Variants in QARS1 observed in about 807,000 individuals in gnomAD.
QARS1 encodes glutamine--tRNA ligase.
Under a neutral mutation model 106.9 loss-of-function variants are expected in QARS1, and 79 were observed. The ratio of observed to expected loss-of-function variants is 0.74; its 90% CI spans 0.62 to 0.89. The LOEUF (loss-of-function observed/expected upper bound fraction) is 0.89, where lower values mean the gene tolerates loss of function less well. Among genes scored for constraint, QARS1 ranks in the 40% least tolerant of loss-of-function variants. The pLI, the probability that QARS1 is intolerant of heterozygous loss-of-function variation, is 0.00. For missense variants in QARS1, 966 were observed against 997.2 expected (o/e 0.97, Z 0.42); for synonymous variants, 395 against 367.7 (o/e 1.07, Z -0.85).
At position 49,100,010 on chromosome 3, in the gene QARS1, C is replaced by A; in HGVS notation, c.1246G>T (p.Val416Leu). The change falls in exon 14 of 24, where the codon GTA becomes TTA. Residue 416 changes from valine (V) to leucine (L), a missense_variant. Coordinates refer to ENST00000306125, the MANE Select transcript of QARS1 (RefSeq NM_005051.3). Reference protein sequence around the residue: ...LVMEDGKMDPVAYRVKYTPHH... With the variant: ...LVMEDGKMDPLAYRVKYTPHH... ...GGTGTATACTTGACTCGATAGGCTA[C>A]AGGGTCCATCTTGCCATCCTCCATC... 1 of 1,614,230 alleles carries A rather than the reference C, an allele frequency of 6.2e-7. No individual in the cohort carries two copies. Among genetic ancestry groups the A allele is most frequent in the Non-Finnish European group, 8.5e-7 (1 of 1,180,048 alleles).
At position 49,096,091 on chromosome 3, in the gene QARS1, A is replaced by T. The variant is rs1470171948; in HGVS notation, c.2278-12T>A. 1.2e-6 allele frequency: 2 copies of T among 1,613,312 alleles called. No homozygotes were observed. Among genetic ancestry groups the T allele is most frequent in the African/African-American group, 2.7e-5 (2 of 74,892 alleles). On this transcript the variant is annotated splice_polypyrimidine_tract_variant and intron_variant, in intron 23 of 23. Transcript: ENST00000306125. ...CGGTTAAAGACAAGCTGGAGGGCAG[A>T]GGGAAAAGGATGACCACCAACCCAG...
In QARS1 at chr3:49,104,124, C is replaced by T. The variant is rs2042507354; in HGVS notation, c.266-152G>A. On this transcript the variant is annotated intron_variant, in intron 2 of 23. Transcript: ENST00000306125. ...CTAGAGAACACAGGGAAGAAAGAAGCACGTGTCGAGAGTGGATCCCCCCTC... is the reference window on the plus strand; with the variant it reads ...CTAGAGAACACAGGGAAGAAAGAAGTACGTGTCGAGAGTGGATCCCCCCTC... 7 of 1,123,614 alleles carry T rather than the reference C, an allele frequency of 6.2e-6. No individual in the cohort carries two copies. The East Asian group carries it at 1.7e-4, about 27-fold the overall frequency. The allele number at this position is 1,123,614 out of a possible 1,614,324, so 69.6% of individuals were successfully genotyped here. A position where few individuals can be genotyped will look rare whatever the true frequency, so the allele number is the denominator to read the frequency against.
At chr3:49,101,798 C>T in intron 8 of QARS1, 30 bp downstream of exon 8, 1 of 1,608,728 alleles carries the variant, frequency 6.2e-7, no homozygotes, top group Non-Finnish European at 8.5e-7. Context: ...AAGATCCAGC[C>T]CTCCCCAGGG....
At chr3:49,098,832 G>T (rs1489328809) in intron 19 of QARS1, 53 bp downstream of exon 19, 2 of 1,533,442 alleles carry the variant, frequency 1.3e-6, no homozygotes, top group African/African-American at 1.4e-5. Flanking sequence ...GAGATGAAAG[G>T]TTCCCAGTAC....
At position 49,100,222 on chromosome 3, in the gene QARS1, G is replaced by A. The variant is rs185476065; in HGVS notation, c.1132C>T (p.Arg378Cys). 83 of 1,614,182 alleles carry A rather than the reference G, an allele frequency of 5.1e-5. No homozygotes were observed. Among genetic ancestry groups the A allele is most frequent in the East Asian group, 4.0e-4 (18 of 44,886 alleles). ...AGCAGCAGTGACTCCTCCATGGGACGGTCTCTCCAGGGTGAAGGCAGAGTA... is the reference window on the plus strand; with the variant it reads ...AGCAGCAGTGACTCCTCCATGGGACAGTCTCTCCAGGGTGAAGGCAGAGTA... Reference protein sequence around the residue: ...HNTLPSPWRDRPMEESLLLFE... With the variant: ...HNTLPSPWRDCPMEESLLLFE... Residue 378 changes from arginine to cysteine, a missense_variant, in exon 13 of 24, where the codon CGT becomes TGT. By Grantham distance (180) the Arg-to-Cys change is radical (BLOSUM62 -3). Transcript: ENST00000306125.
intron 5 of QARS1, chr3:49,102,711 C>T (rs1320985508): frequency 2.0e-5 from 12 of 596,912 alleles, no homozygotes; most frequent in Middle Eastern, 2.6e-4. Flanking sequence ...GCACAGTCTC[C>T]GCTCACTGCA....
chr3:49,103,740 C>T, intron 3 of QARS1, 34 bp from the exon 4 acceptor site: 1 of 1,610,022 alleles, frequency 6.2e-7, no homozygotes, highest in Non-Finnish European at 8.5e-7. Context: ...TTCAGGAAAG[C>T]CACCTTTAGA....
rs766102417 is a variant in QARS1 at position 49,104,326 on chromosome 3, C to A, written c.263G>T (p.Ser88Ile). 12 of 1,614,042 alleles carry A rather than the reference C, an allele frequency of 7.4e-6. No homozygotes were observed. The South Asian group carries it at 9.9e-5, about 13-fold the overall frequency. Residue 88 changes from serine to isoleucine, a missense_variant and splice_region_variant, in exon 2 of 24, where the codon AGC becomes ATC. By Grantham distance (142) the Ser-to-Ile change is moderately radical (BLOSUM62 -2). Transcript: ENST00000306125. ...SKKIHTEPQL[S>I]AALEYVRSHP... ...GGCAGGACAGGTAGGGGTCTCACCG[C>A]TTAGCTGGGGCTCAGTGTGGATCTT...
chr3:49,096,163 C>G (rs2042387326), intron 23 of QARS1, 84 bp from the exon 24 acceptor site: 6 of 1,408,150 alleles, frequency 4.3e-6, no homozygotes, highest in South Asian at 2.4e-5. Context: ...GACACCTCCC[C>G]CTAACATCCT....
At chr3:49,099,482 C>T (rs1234764871) in intron 16 of QARS1, 28 bp downstream of exon 16, 1 of 1,614,016 alleles carries the variant, frequency 6.2e-7, no homozygotes, top group Non-Finnish European at 8.5e-7. Flanking sequence ...TGCCATTAAC[C>T]TTTCATAAGC....
rs1397101113 is a variant in QARS1, at chr3:49,104,611, T to G, written c.117+6A>C. The G allele has an allele frequency of 2.5e-6, 4 of 1,599,920 alleles. No homozygotes were observed. The highest frequency in any genetic ancestry group is 1.7e-4 in the Middle Eastern group (1 of 5,974). On this transcript the variant is annotated splice_donor_region_variant and intron_variant, in intron 1 of 23. Transcript: ENST00000306125. ...CAAACCAGGCCGGGGGCAGAGGGGC[T>G]CGCACCTGAGTAGCGGCCTCGCGCA...
Position 49,104,659 on chromosome 3 carries a change from C to T in QARS1, c.75G>A (p.Lys25=). ...GCAGCTGCGCGCTCAGAGCCGAGTTCTTGAGCGTCTCGCGGGCCTTCTGCT... is the reference window on the plus strand; with the variant it reads ...GCAGCTGCGCGCTCAGAGCCGAGTTTTTGAGCGTCTCGCGGGCCTTCTGCT... The part of the protein sequence containing the change: ...LSEQKARETL[K]NSALSAQLRE... Residue 25 remains lysine (K), a synonymous_variant, in exon 1 of 24, where the codon AAG becomes AAA. Coordinates refer to ENST00000306125, the MANE Select transcript of QARS1 (RefSeq NM_005051.3). The T allele has an allele frequency of 6.2e-7, 1 of 1,609,870 alleles. No individual in the cohort carries two copies. Among genetic ancestry groups the T allele is most frequent in the Non-Finnish European group, 8.5e-7 (1 of 1,177,044 alleles).
chr3:49,102,712 G>A lies in QARS1; in HGVS notation c.517-240C>T, dbSNP rs934428762. The A allele has an allele frequency of 1.5e-5, 9 of 594,390 alleles. 1 individual carries two copies. The highest frequency in any genetic ancestry group is 3.2e-5 in the South Asian group (2 of 61,660). The allele number at this position is 594,390 out of a possible 1,614,324, so 36.8% of individuals were successfully genotyped here. On this transcript the variant is annotated intron_variant, in intron 5 of 23. Coordinates refer to ENST00000306125, the MANE Select transcript of QARS1 (RefSeq NM_005051.3). Reference sequence around the variant, plus strand: ...GCTGGAATGCAATGGCACAGTCTCCGCTCACTGCAACCTCCGCCTCCTGGA... The same window carrying A: ...GCTGGAATGCAATGGCACAGTCTCCACTCACTGCAACCTCCGCCTCCTGGA...
At chr3:49,104,045 G>A in intron 2 of QARS1, 73 bp from the exon 3 acceptor site, 2 of 1,374,958 alleles carry the variant, frequency 1.5e-6, no homozygotes, top group Non-Finnish European at 1.0e-6. Context: ...CTAATCTCAT[G>A]AAACTCCAAG....
At chr3:49,103,266 G>T in intron 5 of QARS1, 79 bp downstream of exon 5, 1 of 1,480,248 alleles carries the variant, frequency 6.8e-7, no homozygotes, top group Non-Finnish European at 9.4e-7. Flanking sequence ...CCCTCTTCCT[G>T]CCTTTTATCC....
At chr3:49,101,571 C>CA in intron 9 of QARS1, 49 bp downstream of exon 9, 1 of 1,605,144 alleles carries the variant, frequency 6.2e-7, no homozygotes, top group Non-Finnish European at 8.5e-7. Context: ...CCCAGGCACT[C>CA]AGGCAGGTGT....
In QARS1 at chr3:49,100,597, G is replaced by T. The variant is rs1403428399; in HGVS notation, c.954C>A (p.Ile318=). 1.5e-5 allele frequency: 24 copies of T among 1,607,696 alleles called. No individual in the cohort carries two copies. Among genetic ancestry groups the T allele is most frequent in the Non-Finnish European group, 1.9e-5 (22 of 1,174,242 alleles). The change falls in exon 11 of 24, where the codon ATC becomes ATA. Residue 318 remains isoleucine, a synonymous_variant. Coordinates refer to ENST00000306125, the MANE Select transcript of QARS1 (RefSeq NM_005051.3). The stretch of plus-strand genomic sequence containing the variant: ...TACCTAGCCAGGCTACCATGTCACA[G>T]ATGGCCGTGAAGAACTTTGCTTCCT... ...EKEEAKFFTA[I]CDMVAWLGYT...
chr3:49,097,895 G>A (rs2107094188), intron 23 of QARS1, 97 bp downstream of exon 23: 1 of 1,494,012 alleles, frequency 6.7e-7, no homozygotes, highest in South Asian at 1.2e-5. Context: ...CTCAGGTGGT[G>A]AGGATTAACT....
Position 49,098,382 on chromosome 3 carries a change from C to G in QARS1, c.2055G>C (p.Leu685Phe). Reference protein sequence around the residue: ...KAFIHWVSQPLMCEVRLYERL... With the variant: ...KAFIHWVSQPFMCEVRLYERL... ...GCTCATAGAGGCGAACCTCACACAT[C>G]AAAGGCTGTGACACCCAGTGAATAA... The change falls in exon 21 of 24, where the codon TTG becomes TTC. Residue 685 changes from leucine (L) to phenylalanine (F), a missense_variant. By Grantham distance (22) the Leu-to-Phe change is conservative. Transcript: ENST00000306125. 6.2e-7 allele frequency: 1 copy of G among 1,614,214 alleles called. No individual in the cohort carries two copies. Among genetic ancestry groups the G allele is most frequent in the Non-Finnish European group, 8.5e-7 (1 of 1,180,046 alleles).
Sources: gnomAD v4.1 joint callset for allele counts on GRCh38, gnomAD v4.1.1 for gene constraint, MANE v1.5 for transcripts, NCBI Gene and HGNC (gene_info 2026-07-23, HGNC 2026-07-21) for gene names.